The following ELP4 variants were observed in gnomAD, a reference collection of about 807,000 sequenced individuals.
The protein encoded by ELP4 is elongator complex protein 4.
ELP4 carries 51 observed loss-of-function variants against 48.9 expected under a neutral mutation model. That is an observed-to-expected ratio of 1.04 (90% CI 0.83 to 1.32). The LOEUF (loss-of-function observed/expected upper bound fraction) is 1.32. Among genes scored for constraint, ELP4 ranks in the 40% most tolerant of loss-of-function variants. The pLI, the probability that ELP4 is intolerant of heterozygous loss-of-function variation, is 0.00. For missense variants in ELP4, 519 were observed against 514.6 expected, an observed-to-expected ratio of 1.01 and a Z score of -0.08; for synonymous variants, 210 against 189.2, an observed-to-expected ratio of 1.11 and a Z score of -0.90.
At chr11:31,709,161 G>A (rs1946691113) in intron 9 of ELP4, among the ~76,000 whole-genome samples, 1 of 151,966 alleles carries the variant, frequency 6.6e-6, no homozygotes, top group Non-Finnish European at 1.5e-5. Context: ...GTTCAAAATG[G>A]GCAATTGCTG....
chr11:31,747,682 C>T (rs1466635941), intron 9 of ELP4, among the ~76,000 whole-genome samples: 1 of 152,198 alleles, frequency 6.6e-6, no homozygotes, highest in Non-Finnish European at 1.5e-5. Flanking sequence ...AGAGACATGA[C>T]ATCAGTAGTA....
chr11:31,658,845 TCATCATAACTGGTTCTA>T (rs1565099476), intron 9 of ELP4, among the ~76,000 whole-genome samples: 1 of 152,068 alleles, frequency 6.6e-6, no homozygotes, highest in Admixed American at 6.6e-5. Flanking sequence ...TCCTCCCCTG[TCATCATAACTGGTTCTA>T]ATGAAGGTTT....
chr11:31,686,796 G>C (rs1346053502), intron 9 of ELP4, among the ~76,000 whole-genome samples: 1 of 151,864 alleles, frequency 6.6e-6, no homozygotes, highest in Non-Finnish European at 1.5e-5. Context: ...TTGAGCTGGG[G>C]AGGTGGAGGT....
At chr11:31,557,000 C>G (rs1412991813) in intron 3 of ELP4, among the ~76,000 whole-genome samples, 5 of 151,786 alleles carry the variant, frequency 3.3e-5, no homozygotes, top group Non-Finnish European at 5.9e-5. Context: ...TCTAGAAAAT[C>G]TTTCATAATT....
At chr11:31,604,239 C>T (rs750030192) in intron 5 of ELP4, among the ~76,000 whole-genome samples, 26 of 151,710 alleles carry the variant, frequency 1.7e-4, no homozygotes, top group Non-Finnish European at 3.5e-4. Flanking sequence ...TGCAAATAGA[C>T]ACCTAATAAA....
intron 4 of ELP4, 129 bp from the exon 5 acceptor site, chr11:31,603,638 TG>T: frequency 1.3e-6 from 1 of 773,704 alleles, no homozygotes; most frequent in Non-Finnish European, 2.0e-6. Flanking sequence ...ATTTACTTAG[TG>T]TATGTATATC....
intron 3 of ELP4, among the ~76,000 whole-genome samples, chr11:31,563,473 C>T (rs954121228): frequency 2.0e-5 from 3 of 151,876 alleles, no homozygotes; most frequent in South Asian, 2.1e-4. Flanking sequence ...TGAAACGGGC[C>T]GAAATATATT....
rs1412817137 is a variant in ELP4 at position 31,510,011 on chromosome 11, G to C, written c.223+4G>C. The C allele has an allele frequency of 6.2e-7, 1 of 1,607,150 alleles. No homozygotes were observed. On this transcript the variant is annotated splice_donor_region_variant and intron_variant, in intron 1 of 9. Coordinates refer to ENST00000640961, the MANE Select transcript of ELP4 (RefSeq NM_019040.5). ...CCAGCCCTAGACCAGCTCTTAGGTC[G>C]GTTCAGAGCGGAGATCTGGGCTCAG... is the stretch of plus-strand genomic sequence containing the variant.
Position 31,647,776 on chromosome 11 carries a change from A to T in ELP4, c.963A>T (p.Ser321=), listed in dbSNP as rs1322314634. Residue 321 remains serine, a synonymous_variant, in exon 8 of 10, where the codon TCA becomes TCT. Coordinates refer to ENST00000640961, the MANE Select transcript of ELP4 (RefSeq NM_019040.5). ...TTATTGCCCGTGTCACAACCTTGTCAGATGTAGTAGTTGGTCTGGAATCAT... is the reference window on the plus strand; with the variant it reads ...TTATTGCCCGTGTCACAACCTTGTCTGATGTAGTAGTTGGTCTGGAATCAT... ...KAIIARVTTL[S]DVVVGLESFI... The T allele has an allele frequency of 6.2e-7, 1 of 1,609,602 alleles. No individual in the cohort carries two copies.
chr11:31,598,482 C>CT (rs1182190041), intron 4 of ELP4, among the ~76,000 whole-genome samples: 2 of 126,868 alleles, frequency 1.6e-5, no homozygotes, highest in Non-Finnish European at 3.4e-5. Flanking sequence ...TACACTTTTC[C>CT]TTTTTTTTTC....
intron 2 of ELP4, among the ~76,000 whole-genome samples, chr11:31,520,633 AG>A (rs1221956682): frequency 6.6e-6 from 1 of 152,116 alleles, no homozygotes; most frequent in East Asian, 1.9e-4. Context: ...AAACCTTGTC[AG>A]TTATATAATC....
At chr11:31,697,674 G>T (rs565708808) in intron 9 of ELP4, among the ~76,000 whole-genome samples, 2 of 152,026 alleles carry the variant, frequency 1.3e-5, no homozygotes, top group Non-Finnish European at 2.9e-5. Context: ...TGTATACCAC[G>T]TAGTCAGGGT....
chr11:31,780,570 T>A (rs1354663998), intron 9 of ELP4: 1 of 152,222 alleles, frequency 6.6e-6, no homozygotes, highest in Non-Finnish European at 1.5e-5. Flanking sequence ...CCTAAATTTT[T>A]ATGCTCAGAA....
At chr11:31,579,287 A>G (rs1205135257) in intron 3 of ELP4, among the ~76,000 whole-genome samples, 2 of 152,200 alleles carry the variant, frequency 1.3e-5, no homozygotes, top group African/African-American at 2.4e-5. Flanking sequence ...AGGAAAGAAC[A>G]GGTGCTGGAG....
chr11:31,762,124 C>A (rs752062144), intron 9 of ELP4: 8 of 152,058 alleles, frequency 5.3e-5, no homozygotes, highest in Non-Finnish European at 8.8e-5. Flanking sequence ...CAGACTGAAA[C>A]TATTACAGCT....
chr11:31,539,581 A>AT, intron 2 of ELP4, 81 bp from the exon 3 acceptor site: 1 of 1,404,962 alleles, frequency 7.1e-7, no homozygotes, highest in Non-Finnish European at 9.6e-7. Context: ...ATATAAAAAC[A>AT]TATGAGTGTG....
chr11:31,713,211 A>G (rs1946778240), intron 9 of ELP4, among the ~76,000 whole-genome samples: 1 of 152,210 alleles, frequency 6.6e-6, no homozygotes, highest in Non-Finnish European at 1.5e-5. Context: ...ATGATGGATC[A>G]AGTCCAATCA....
At chr11:31,601,284 A>G (rs1957776417) in intron 4 of ELP4, among the ~76,000 whole-genome samples, 1 of 151,344 alleles carries the variant, frequency 6.6e-6, no homozygotes, top group African/African-American at 2.5e-5. Context: ...TCTTGAGCAG[A>G]AAAATTTGGA....
intron 9 of ELP4, among the ~76,000 whole-genome samples, chr11:31,759,055 C>G (rs1947891601): frequency 6.6e-6 from 1 of 152,090 alleles, no homozygotes; most frequent in African/African-American, 2.4e-5. Context: ...TCATTCTGTT[C>G]TGTGAAAATT....
Sources: allele counts gnomAD v4.1 joint callset (sites outside exome capture counted in the v4.1 genomes callset), GRCh38; gene constraint gnomAD v4.1.1; transcripts MANE v1.5; gene names NCBI Gene and HGNC (gene_info 2026-07-23, HGNC 2026-07-21).